The following CCNP variants were observed in gnomAD, a reference collection of about 807,000 sequenced individuals.
CCNP encodes cyclin-P.
CCNP carries 18 observed loss-of-function variants against 19.6 expected under a neutral mutation model. The ratio of observed to expected loss-of-function variants is 0.92; its 90% confidence interval spans 0.64 to 1.36. The LOEUF (loss-of-function observed/expected upper bound fraction) is 1.36, where lower values mean the gene tolerates loss of function less well. Among genes scored for constraint, CCNP ranks in the 40% most tolerant of loss-of-function variants. CCNP has a pLI of 0.00. For synonymous variants in CCNP, 228 were observed against 194.9 expected, an observed-to-expected ratio of 1.17 and a Z score of -1.41; for missense variants, 440 against 424.4, an observed-to-expected ratio of 1.04 and a Z score of -0.32.
chr19:40,224,341 C>T, intron 3 of CCNP, 147 bp downstream of exon 3: 3 of 906,804 alleles, frequency 3.3e-6, no homozygotes, highest in East Asian at 4.8e-5. Flanking sequence ...TCGGTCTCCT[C>T]TTCTGTTTAA....
At position 40,223,589 on chromosome 19, in the gene CCNP, C is replaced by A. The variant is rs1420049897; in HGVS notation, c.514-43G>T. 3.1e-6 allele frequency: 5 copies of A among 1,601,656 alleles called. No individual in the cohort carries two copies. In the African/African-American group the frequency reaches 6.7e-5, roughly 22 times the overall value. On this transcript the variant is annotated intron_variant, in intron 3 of 4. Transcript: ENST00000430325. The stretch of plus-strand genomic sequence containing the variant: ...GGGGGGAGGTGAAGGAGTCTTGGAT[C>A]CGGGCTCTTTACTCCCTGCCCTGGA...
At chr19:40,224,701 C>T in intron 2 of CCNP, 21 bp downstream of exon 2, 1 of 1,602,800 alleles carries the variant, frequency 6.2e-7, no homozygotes, top group Non-Finnish European at 8.5e-7. Flanking sequence ...CTCAGCCCCC[C>T]ACACCCTTCC....
Position 40,223,406 on chromosome 19 carries a change from C to T in CCNP, c.654G>A (p.Leu218=), listed in dbSNP as rs1428537186. ...GGCTCACCTGGGGGCTGCTCCCTGC[C>T]AGCGCGGCCAGCAGCCCGAGGCACA... ...PLLCLGLLAA[L]AGSSPQVMLL... The change falls in exon 4 of 5, where the codon CTG becomes CTA. Residue 218 remains leucine (L), a synonymous_variant. Coordinates refer to ENST00000430325, the MANE Select transcript of CCNP (RefSeq NM_024877.4). The T allele has an allele frequency of 1.9e-6, 3 of 1,573,212 alleles. No individual in the cohort carries two copies. Among genetic ancestry groups the T allele is most frequent in the South Asian group, 2.3e-5 (2 of 87,290 alleles).
Position 40,222,838 on chromosome 19 carries a change from A to T in CCNP, c.*214T>A, listed in dbSNP as rs1599926201. 4.2e-6 allele frequency: 2 copies of T among 478,906 alleles called. No individual in the cohort carries two copies. Among genetic ancestry groups the T allele is most frequent in the Admixed American group, 7.8e-5 (2 of 25,656 alleles). The allele number at this position is 478,906 out of a possible 1,614,324, so 29.7% of individuals were successfully genotyped here. ...TAGCGGCCCTAGCAGCTAAAGGAACACCCCATCCACCACCAGATACAGAGA... is the reference window on the plus strand; with the variant it reads ...TAGCGGCCCTAGCAGCTAAAGGAACTCCCCATCCACCACCAGATACAGAGA... On this transcript the variant is annotated 3_prime_UTR_variant, in exon 5 of 5. Coordinates refer to ENST00000430325, the MANE Select transcript of CCNP (RefSeq NM_024877.4).
chr19:40,224,906 T>C, intron 1 of CCNP, 95 bp from the exon 2 acceptor site: 3 of 1,127,800 alleles, frequency 2.7e-6, no homozygotes, highest in Non-Finnish European at 3.8e-6. Flanking sequence ...CTCCAGTCAG[T>C]TGGACATCTT....
intron 1 of CCNP, among the ~76,000 whole-genome samples, chr19:40,225,598 A>T (rs1025100520): frequency 6.6e-6 from 1 of 152,112 alleles, no homozygotes; most frequent in Non-Finnish European, 1.5e-5. Flanking sequence ...CCTAGACTAT[A>T]CCAAGCCCAT....
intron 1 of CCNP, among the ~76,000 whole-genome samples, chr19:40,225,969 G>C (rs1396257749): frequency 6.6e-6 from 1 of 152,102 alleles, no homozygotes; most frequent in African/African-American, 2.4e-5. Flanking sequence ...CTGAAGGCTG[G>C]CGAGGCCAAT....
intron 1 of CCNP, among the ~76,000 whole-genome samples, chr19:40,226,129 C>T (rs892630222): frequency 6.6e-6 from 1 of 152,216 alleles, no homozygotes; most frequent in Non-Finnish European, 1.5e-5. Context: ...AGGACAAGTA[C>T]AGGGGACCAT....
In CCNP at chr19:40,224,542, C is replaced by T. The variant is rs148935342; in HGVS notation, c.459G>A (p.Leu153=). 1,688 of 1,614,238 alleles carry T rather than the reference C, an allele frequency of 1.0e-3. 35 individuals carry two copies. In the East Asian group the frequency reaches 0.034, roughly 33 times the overall value. Reference sequence around the variant, plus strand: ...ACGCCACAAACAGGCAAGCCACGCCCAGCAGCTGCAGGCGATGTAGACGCA... The same window carrying T: ...ACGCCACAAACAGGCAAGCCACGCCTAGCAGCTGCAGGCGATGTAGACGCA... ...GRVRLHRLQL[L]GVACLFVACK... is the part of the protein sequence containing the mutation. The change falls in exon 3 of 5, where the codon CTG becomes CTA. Residue 153 remains leucine, a synonymous_variant. Coordinates refer to ENST00000430325, the MANE Select transcript of CCNP (RefSeq NM_024877.4).
chr19:40,224,040 C>T (rs1973500322), intron 3 of CCNP, among the ~76,000 whole-genome samples: 1 of 151,990 alleles, frequency 6.6e-6, no homozygotes, highest in Non-Finnish European at 1.5e-5. Flanking sequence ...CAGCAACCTC[C>T]GCCTCCTGGG....
chr19:40,223,872 G>A (rs1006911707), intron 3 of CCNP, among the ~76,000 whole-genome samples: 1 of 151,972 alleles, frequency 6.6e-6, no homozygotes, highest in Non-Finnish European at 1.5e-5. Context: ...ATTCATGCAT[G>A]TTGACGGTAA....
At chr19:40,223,728 C>A (rs1243435149) in intron 3 of CCNP, 182 bp from the exon 4 acceptor site, 1 of 771,966 alleles carries the variant, frequency 1.3e-6, no homozygotes, top group African/African-American at 1.8e-5. Flanking sequence ...GACCTAGGTT[C>A]GAGTTCAAAC....
chr19:40,223,444 GGT>G lies in CCNP; in HGVS notation c.614_615del (p.His205ProfsTer72). 6.2e-7 allele frequency: 1 copy of G among 1,608,354 alleles called. No homozygotes were observed. The highest frequency in any genetic ancestry group is 1.1e-5 in the South Asian group (1 of 90,758). ...ILSRLDFRLH[H>X]PGPLLCLGLL... The stretch of plus-strand genomic sequence containing the variant: ...AGCCCGAGGCACAGCAGCGGGCCGG[GGT>G]GGTGCAGCCGGAAATCCAGGCGGCT... On this transcript the variant is annotated frameshift_variant, in exon 4 of 5. Transcript: ENST00000430325. LOFTEE classifies it high-confidence loss of function.
At position 40,226,475 on chromosome 19, in the gene CCNP, G is replaced by A. The variant is rs532972766; in HGVS notation, c.167C>T (p.Pro56Leu). 3 of 1,607,090 alleles carry A rather than the reference G, an allele frequency of 1.9e-6. No individual in the cohort carries two copies. Among genetic ancestry groups the A allele is most frequent in the South Asian group, 2.2e-5 (2 of 90,488 alleles). ...DGFPAGPTVS[P>L]RRLARPPGLE... ...CCCCGGCGGCCTCGCCAGGCGTCTTGGGGAGACAGTGGGGCCCGCGGGGAA... is the reference window on the plus strand; with the variant it reads ...CCCCGGCGGCCTCGCCAGGCGTCTTAGGGAGACAGTGGGGCCCGCGGGGAA... Residue 56 changes from proline to leucine, a missense_variant, in exon 1 of 5, where the codon CCA (proline) becomes CTA (leucine). Transcript: ENST00000430325.
rs978738936 is a variant in CCNP at position 40,222,816 on chromosome 19, C to T, written c.*236G>A. ...CCCTGCCACCTGGTAGCATGGTTAG[C>T]GGCCCTAGCAGCTAAAGGAACACCC... On this transcript the variant is annotated 3_prime_UTR_variant, in exon 5 of 5. Transcript: ENST00000430325. 5 of 452,066 alleles carry T rather than the reference C, an allele frequency of 1.1e-5. No individual in the cohort carries two copies. Among genetic ancestry groups the T allele is most frequent in the African/African-American group, 2.0e-5 (1 of 49,182 alleles). The allele number at this position is 452,066 out of a possible 1,614,324, so 28.0% of individuals were successfully genotyped here.
chr19:40,222,418 A>C lies in CCNP; in HGVS notation c.*634T>G, dbSNP rs1307497619. 1.8e-5 allele frequency: 7 copies of C among 398,448 alleles called. No homozygotes were observed. Among genetic ancestry groups the C allele is most frequent in the Non-Finnish European group, 2.7e-5 (6 of 225,826 alleles). The allele number at this position is 398,448 out of a possible 1,614,324, so 24.7% of individuals were successfully genotyped here. A position where few individuals can be genotyped will look rare whatever the true frequency, so the allele number is the denominator to read the frequency against. ...AGACTGCGGCGCGACCCGGCGCGGG[A>C]CCTCGGAGCGCAGCGCGGGCCATGC... On this transcript the variant is annotated 3_prime_UTR_variant, in exon 5 of 5. Coordinates refer to ENST00000430325, the MANE Select transcript of CCNP (RefSeq NM_024877.4).
chr19:40,225,970 C>A (rs1221080688), intron 1 of CCNP, among the ~76,000 whole-genome samples: 1 of 152,122 alleles, frequency 6.6e-6, no homozygotes. Flanking sequence ...TGAAGGCTGG[C>A]GAGGCCAATG....
At chr19:40,224,873 C>G (rs1973518553) in intron 1 of CCNP, 62 bp from the exon 2 acceptor site, 4 of 1,423,056 alleles carry the variant, frequency 2.8e-6, no homozygotes, top group African/African-American at 2.8e-5. Flanking sequence ...CTCCTGAGCT[C>G]CAGCCCTGGA....
At position 40,222,277 on chromosome 19, in the gene CCNP, GTTGA is replaced by G. The variant is rs1041814040; in HGVS notation, c.*771_*774del. 2 of 398,730 alleles carry G rather than the reference GTTGA, an allele frequency of 5.0e-6. No homozygotes were observed. Among genetic ancestry groups the G allele is most frequent in the African/African-American group, 4.1e-5 (2 of 48,628 alleles). 24.7% of individuals were successfully genotyped at this position (398,730 alleles called of 1,614,324 possible). ...CACTGGGAGGGTTTTGTTTTTTGTT[GTTGA>G]TTTTTTTGTGACTGAGTCCCAGTAC... On this transcript the variant is annotated 3_prime_UTR_variant, in exon 5 of 5. Coordinates refer to ENST00000430325, the MANE Select transcript of CCNP (RefSeq NM_024877.4).
Sources: gnomAD v4.1 joint callset for allele counts (sites outside exome capture counted in the v4.1 genomes callset) on GRCh38, gnomAD v4.1.1 for gene constraint, MANE v1.5 for transcripts, NCBI Gene and HGNC (gene_info 2026-07-23, HGNC 2026-07-21) for gene names.